The following KIAA0319L variants were observed in gnomAD, a reference collection of about 807,000 sequenced individuals.
KIAA0319L encodes dyslexia-associated protein KIAA0319-like protein.
In KIAA0319L, 55 loss-of-function variants were observed where a neutral mutation model predicts 120.1. The ratio of observed to expected loss-of-function variants is 0.46; its 90% CI spans 0.37 to 0.57. The LOEUF (loss-of-function observed/expected upper bound fraction) is 0.57. Ranked by LOEUF, KIAA0319L falls within the 20% of genes least tolerant of loss-of-function variation. The probability of loss-of-function intolerance (pLI) is 0.00; values close to 1 mark genes in which losing one functional copy is unlikely to be tolerated. For synonymous variants in KIAA0319L, 398 were observed against 471.9 expected (o/e 0.84, Z 2.03); for missense variants, 1,049 against 1,255.3 (o/e 0.84, Z 2.48).
At chr1:35,481,485 T>C (rs1048528389) in intron 3 of KIAA0319L, among the ~76,000 whole-genome samples, 1 of 152,210 alleles carries the variant, frequency 6.6e-6, no homozygotes, top group African/African-American at 2.4e-5. Context: ...CTAGTGGTTA[T>C]AAAGTAATAT....
chr1:35,510,304 T>C (rs1645377669), intron 2 of KIAA0319L: 1 of 152,068 alleles, frequency 6.6e-6, no homozygotes, highest in African/African-American at 2.4e-5. Flanking sequence ...TCAACATTTA[T>C]TAATCATCAG....
chr1:35,526,382 T>C (rs576858130), intron 2 of KIAA0319L, among the ~76,000 whole-genome samples: 29 of 123,024 alleles, frequency 2.4e-4, no homozygotes, highest in Admixed American at 1.9e-3. Context: ...CATATATATA[T>C]ACATACATAT....
intron 3 of KIAA0319L, among the ~76,000 whole-genome samples, chr1:35,481,817 T>C (rs1355264223): frequency 8.8e-6 from 1 of 113,172 alleles, no homozygotes; most frequent in African/African-American, 3.5e-5. Flanking sequence ...GCTGTTTCTT[T>C]TTTTTTTTTT....
At chr1:35,513,835 G>C (rs920758291) in intron 2 of KIAA0319L, among the ~76,000 whole-genome samples, 2 of 152,218 alleles carry the variant, frequency 1.3e-5, no homozygotes, top group African/African-American at 2.4e-5. Context: ...ATATTTGTGA[G>C]AGTGATGTCT....
At chr1:35,516,482 T>C (rs752093759) in intron 2 of KIAA0319L, among the ~76,000 whole-genome samples, 51 of 152,218 alleles carry the variant, frequency 3.4e-4, no homozygotes, top group Admixed American at 7.8e-4. Flanking sequence ...CAGAAAAGGC[T>C]TTCTATAAAA....
chr1:35,539,966 C>T (rs1023710421), intron 2 of KIAA0319L, among the ~76,000 whole-genome samples: 1 of 152,162 alleles, frequency 6.6e-6, no homozygotes, highest in Admixed American at 6.5e-5. Context: ...CCCCTTATTA[C>T]CTAAAAGTGA....
chr1:35,528,430 G>C (rs1646237145), intron 2 of KIAA0319L, among the ~76,000 whole-genome samples: 1 of 152,136 alleles, frequency 6.6e-6, no homozygotes, highest in Non-Finnish European at 1.5e-5. Context: ...TATTTGTATA[G>C]TTTCTAAGTT....
chr1:35,469,607 T>A (rs925074361), intron 6 of KIAA0319L, among the ~76,000 whole-genome samples: 1 of 151,630 alleles, frequency 6.6e-6, no homozygotes, highest in Non-Finnish European at 1.5e-5. Flanking sequence ...TGAGGTATTA[T>A]CCCTTCACCC....
intron 20 of KIAA0319L, 65 bp from the exon 21 acceptor site, chr1:35,435,146 CT>C: frequency 6.9e-7 from 1 of 1,448,718 alleles, no homozygotes; most frequent in Non-Finnish European, 9.6e-7. Flanking sequence ...ACCCCCACAC[CT>C]TACCCCAGCC....
chr1:35,455,867 C>G, intron 10 of KIAA0319L, 146 bp downstream of exon 10: 1 of 681,968 alleles, frequency 1.5e-6, no homozygotes, highest in Non-Finnish European at 2.5e-6. Flanking sequence ...GCGTGAGCCA[C>G]CATACCCGGC....
intron 3 of KIAA0319L, among the ~76,000 whole-genome samples, chr1:35,501,369 G>A (rs892110323): frequency 6.6e-6 from 1 of 152,104 alleles, no homozygotes; most frequent in Admixed American, 6.6e-5. Context: ...TTTCTTTGCT[G>A]CTGCTTCCCA....
Position 35,434,491 on chromosome 1 carries a change from G to T in KIAA0319L, c.*403C>A, listed in dbSNP as rs1180091119. On this transcript the variant is annotated 3_prime_UTR_variant, in exon 21 of 21. Coordinates refer to ENST00000325722, the MANE Select transcript of KIAA0319L (RefSeq NM_024874.5). ...TCTACCCCAGAGAGGGAAACACCAT[G>T]CCCACAGTGCTTGGTTTTGCACTCA... 6.0e-6 allele frequency: 1 copy of T among 167,792 alleles called. No homozygotes were observed. The highest frequency in any genetic ancestry group is 2.4e-5 in the African/African-American group (1 of 41,894). 10.4% of individuals were successfully genotyped at this position (167,792 alleles called of 1,614,324 possible). A position where few individuals can be genotyped will look rare whatever the true frequency, so the allele number is the denominator to read the frequency against.
intron 3 of KIAA0319L, among the ~76,000 whole-genome samples, chr1:35,482,074 T>C (rs1644194934): frequency 6.6e-6 from 1 of 152,138 alleles, no homozygotes; most frequent in South Asian, 2.1e-4. Flanking sequence ...TCCACCTGCC[T>C]TGGCCTCCCA....
chr1:35,513,940 G>C (rs564197991), intron 2 of KIAA0319L, among the ~76,000 whole-genome samples: 2 of 152,258 alleles, frequency 1.3e-5, no homozygotes, highest in African/African-American at 4.8e-5. Flanking sequence ...TTCAGGGAAA[G>C]AAATATTTTA....
intron 6 of KIAA0319L, among the ~76,000 whole-genome samples, chr1:35,469,968 A>C (rs1349744905): frequency 6.6e-6 from 1 of 152,000 alleles, no homozygotes; most frequent in Non-Finnish European, 1.5e-5. Context: ...TCCTGGGTTT[A>C]AGTGATCCTC....
In KIAA0319L at chr1:35,451,700, C is replaced by T. The variant is rs756133769; in HGVS notation, c.1990G>A (p.Val664Met). ...TVTGLQVGTY[V>M]FTLTVKDERN... ...TCATCTTTGACAGTCAAGGTGAACA[C>T]ATAGGTCCCCACTTGCAGCCCAGTC... is the stretch of plus-strand genomic sequence containing the variant. The change falls in exon 13 of 21, where the codon GTG (valine) becomes ATG (methionine). Residue 664 changes from valine to methionine, a missense_variant. Transcript: ENST00000325722. 1 of 1,614,028 alleles carries T rather than the reference C, an allele frequency of 6.2e-7. No homozygotes were observed. The highest frequency in any genetic ancestry group is 1.3e-5 in the African/African-American group (1 of 74,918).
intron 3 of KIAA0319L, among the ~76,000 whole-genome samples, chr1:35,494,528 C>T (rs1644723185): frequency 6.6e-6 from 1 of 151,980 alleles, no homozygotes; most frequent in South Asian, 2.1e-4. Context: ...GGTGTGGTGG[C>T]TCACGCCTAT....
At position 35,455,874 on chromosome 1, in the gene KIAA0319L, C is replaced by T. The variant is rs533349218; in HGVS notation, c.1656+139G>A. The T allele has an allele frequency of 7.4e-5, 52 of 704,600 alleles. 2 individuals carry two copies. In the African/African-American group the frequency reaches 8.2e-4, roughly 11 times the overall value. The allele number at this position is 704,600 out of a possible 1,614,324, so 43.6% of individuals were successfully genotyped here. A position where few individuals can be genotyped will look rare whatever the true frequency, so the allele number is the denominator to read the frequency against. On this transcript the variant is annotated intron_variant, in intron 10 of 20. Transcript: ENST00000325722. ...GATTACAGGCGTGAGCCACCATACCCGGCCAAGATAAAGATTTTTGCTACC... is the reference window on the plus strand; with the variant it reads ...GATTACAGGCGTGAGCCACCATACCTGGCCAAGATAAAGATTTTTGCTACC...
intron 2 of KIAA0319L, among the ~76,000 whole-genome samples, chr1:35,520,483 T>A (rs1645867842): frequency 6.6e-6 from 1 of 151,782 alleles, no homozygotes. Context: ...AGCCTCAAAT[T>A]CCTAGGCTCA....
Sources: allele counts gnomAD v4.1 joint callset (sites outside exome capture counted in the v4.1 genomes callset), GRCh38; gene constraint gnomAD v4.1.1; transcripts MANE v1.5; gene names NCBI Gene and HGNC (gene_info 2026-07-23, HGNC 2026-07-21).